CACNA1I: variants seen among roughly 807,000 people sequenced by gnomAD.
CACNA1I encodes voltage-dependent T-type calcium channel subunit alpha-1I.
In CACNA1I, 74 loss-of-function variants were observed where a neutral mutation model predicts 201.6. The ratio of observed to expected loss-of-function variants is 0.37; its 90% CI spans 0.30 to 0.45. The LOEUF is 0.45. Among genes scored for constraint, CACNA1I ranks in the 20% least tolerant of loss-of-function variants. The probability of loss-of-function intolerance (pLI) is 1.00; values close to 1 mark genes in which losing one functional copy is unlikely to be tolerated. For missense variants in CACNA1I, 2,346 were observed against 3,138.1 expected (o/e 0.75, Z 6.03); for synonymous variants, 1,431 against 1,345.2 (o/e 1.06, Z -1.40).
chr22:39,624,472 G>A (rs952385160), intron 4 of CACNA1I, among the ~76,000 whole-genome samples: 5 of 152,222 alleles, frequency 3.3e-5, no homozygotes, highest in Admixed American at 2.0e-4. Flanking sequence ...GCAGTTGGGG[G>A]AGTGTCGGCT....
intron 24 of CACNA1I, among the ~76,000 whole-genome samples, chr22:39,669,010 G>A (rs925392194): frequency 6.6e-6 from 1 of 152,140 alleles, no homozygotes; most frequent in African/African-American, 2.4e-5. Context: ...AGTCAGGGAG[G>A]AGACTCAGCC....
chr22:39,593,998 G>C (rs1350224174), intron 1 of CACNA1I, among the ~76,000 whole-genome samples: 1 of 152,212 alleles, frequency 6.6e-6, no homozygotes, highest in African/African-American at 2.4e-5. Context: ...TGCTGGGTCA[G>C]GGTCCTGGGG....
At chr22:39,599,160 G>A (rs1290463620) in intron 2 of CACNA1I, among the ~76,000 whole-genome samples, 2 of 147,892 alleles carry the variant, frequency 1.4e-5, no homozygotes, top group East Asian at 2.1e-4. Context: ...ATGTTAGCCA[G>A]GATGGTCTCA....
At chr22:39,652,323 G>T (rs1177562192) in intron 10 of CACNA1I, among the ~76,000 whole-genome samples, 1 of 152,154 alleles carries the variant, frequency 6.6e-6, no homozygotes, top group African/African-American at 2.4e-5. Flanking sequence ...GGAGCAGCAG[G>T]CTTCACGTGG....
At chr22:39,671,515 G>A (rs1754079973) in intron 26 of CACNA1I, among the ~76,000 whole-genome samples, 1 of 152,296 alleles carries the variant, frequency 6.6e-6, no homozygotes, top group African/African-American at 2.4e-5. Context: ...GCAAACACTG[G>A]GGGTGGGTGA....
intron 1 of CACNA1I, among the ~76,000 whole-genome samples, chr22:39,597,040 C>T (rs1247579384): frequency 1.3e-5 from 2 of 152,206 alleles, no homozygotes; most frequent in South Asian, 2.1e-4. Flanking sequence ...TAAGTTCAGT[C>T]AGGCTGCATG....
intron 4 of CACNA1I, among the ~76,000 whole-genome samples, chr22:39,623,078 G>C (rs368638487): frequency 6.6e-6 from 1 of 152,230 alleles, no homozygotes. Flanking sequence ...TGATGGGACC[G>C]CTGAGGCTGC....
intron 1 of CACNA1I, among the ~76,000 whole-genome samples, chr22:39,594,543 C>T (rs369258082): frequency 3.3e-5 from 5 of 151,378 alleles, no homozygotes; most frequent in African/African-American, 7.3e-5. Flanking sequence ...GGTGAGGGGA[C>T]GGGAAGGAGC....
chr22:39,583,105 CAACTGTCCATCCATGCATGCATCCATCT>C, intron 1 of CACNA1I, among the ~76,000 whole-genome samples: 1 of 150,294 alleles, frequency 6.7e-6, no homozygotes, highest in East Asian at 2.0e-4. Context: ...TTCATCCATC[CAACTGTCCATCCATGCATGCATCCATCT>C]CTCCATCCAT....
chr22:39,648,013 T>C lies in CACNA1I; in HGVS notation c.1567+87T>C. 8.3e-7 allele frequency: 1 copy of C among 1,202,528 alleles called. No individual in the cohort carries two copies. The highest frequency in any genetic ancestry group is 1.2e-6 in the Non-Finnish European group (1 of 826,908). 74.5% of individuals were successfully genotyped at this position (1,202,528 alleles called of 1,614,324 possible). ...GTGCTGAGAAGGAAGTCGGCAGGCA[T>C]GGGGACGGCGCTTGAGCAGCCGCGA... On this transcript the variant is annotated intron_variant, in intron 9 of 36. Transcript: ENST00000402142. The surrounding 1 kb of genome is among the most constrained non-coding windows in gnomAD (Gnocchi z 5.4).
At chr22:39,660,168 C>G (rs1449593325) in intron 14 of CACNA1I, among the ~76,000 whole-genome samples, 176 bp from the exon 15 acceptor site, 1 of 152,176 alleles carries the variant, frequency 6.6e-6, no homozygotes, top group Non-Finnish European at 1.5e-5. Context: ...TACTTGCAGT[C>G]AGGCAGATGT....
chr22:39,623,748 A>T (rs1933819026), intron 4 of CACNA1I, among the ~76,000 whole-genome samples: 2 of 143,218 alleles, frequency 1.4e-5, no homozygotes. Context: ...GCCTGTGAAC[A>T]TGCGTGTGTC....
rs1277722931 is a variant in CACNA1I, at chr22:39,662,139, C to T, written c.3076C>T (p.Pro1026Ser). Reference protein sequence around the residue: ...RVCEVAADEGPPRAAPLHTPH... With the variant: ...RVCEVAADEGSPRAAPLHTPH... Reference sequence around the variant, plus strand: ...CTGCGAGGTTGCCGCGGACGAGGGGCCGCCGCGGGCCGCACCCCTGCACAC... The same window carrying T: ...CTGCGAGGTTGCCGCGGACGAGGGGTCGCCGCGGGCCGCACCCCTGCACAC... Residue 1026 changes from proline (P) to serine (S), a missense_variant, in exon 17 of 37, where the codon CCG becomes TCG. Pro to Ser is a moderately conservative substitution (Grantham distance 74). Coordinates refer to ENST00000402142, the MANE Select transcript of CACNA1I (RefSeq NM_021096.4). 6.6e-7 allele frequency: 1 copy of T among 1,525,376 alleles called. No homozygotes were observed. The highest frequency in any genetic ancestry group is 1.2e-5 in the South Asian group (1 of 82,146). The allele number at this position is 1,525,376 out of a possible 1,614,324, so 94.5% of individuals were successfully genotyped here.
At chr22:39,672,615 A>G (rs1415666399) in intron 27 of CACNA1I, among the ~76,000 whole-genome samples, 2 of 152,180 alleles carry the variant, frequency 1.3e-5, no homozygotes, top group South Asian at 4.2e-4. Flanking sequence ...GTGAGGCTCA[A>G]AGAAGTTGAT....
chr22:39,674,894 G>A (rs571048054), intron 29 of CACNA1I, among the ~76,000 whole-genome samples: 7 of 152,240 alleles, frequency 4.6e-5, no homozygotes, highest in Non-Finnish European at 8.8e-5. Context: ...CCGGGGCTAA[G>A]GACATGGGTG....
At position 39,659,517 on chromosome 22, in the gene CACNA1I, C is replaced by T. The variant is rs777569965; in HGVS notation, c.2415C>T (p.Asp805=). ...CGGTGCCCGACAGGAAGAACTTCGA[C>T]TCCCTGCTGTGGGCCATCGTCACTG... ...GDTVPDRKNF[D]SLLWAIVTVF... The change falls in exon 13 of 37, where the codon GAC becomes GAT. Residue 805 remains aspartate, a synonymous_variant. Transcript: ENST00000402142. This position sits in a 1 kb window ranked among gnomAD's most constrained non-coding sequence, Gnocchi z 4.3. The T allele has an allele frequency of 3.7e-6, 6 of 1,600,378 alleles. No individual in the cohort carries two copies. Among genetic ancestry groups the T allele is most frequent in the Middle Eastern group, 1.7e-4 (1 of 6,046 alleles).
In CACNA1I at chr22:39,647,815, T is replaced by C. The variant is rs1934534070; in HGVS notation, c.1463-7T>C. 2 of 1,577,976 alleles carry C rather than the reference T, an allele frequency of 1.3e-6. No homozygotes were observed. The highest frequency in any genetic ancestry group is 4.5e-5 in the East Asian group (2 of 44,662). On this transcript the variant is annotated splice_polypyrimidine_tract_variant and splice_region_variant and intron_variant, in intron 8 of 36. Transcript: ENST00000402142. ...GAGAAGATAGTAATATTATCTCCAC[T>C]TTTCAGATGGGAAGACTAAGGGTCA...
chr22:39,644,003 A>G (rs1470826944), intron 7 of CACNA1I, among the ~76,000 whole-genome samples: 1 of 152,140 alleles, frequency 6.6e-6, no homozygotes, highest in East Asian at 1.9e-4. Context: ...GCCATGATAG[A>G]AGGGAGCCCA....
Position 39,570,991 on chromosome 22 carries a change from ATCC to A in CACNA1I, c.236+7_236+9del, listed in dbSNP as rs779176215. On this transcript the variant is annotated splice_donor_5th_base_variant and intron_variant, in intron 1 of 36. Coordinates refer to ENST00000402142, the MANE Select transcript of CACNA1I (RefSeq NM_021096.4). ...TGCATCAAGATGGTGTGCAACCCAT[ATCC>A]TCCGCAGCCTCGGCTGATCGGGGCC... 6.2e-7 allele frequency: 1 copy of A among 1,612,062 alleles called. No homozygotes were observed. Among genetic ancestry groups the A allele is most frequent in the Non-Finnish European group, 8.5e-7 (1 of 1,178,378 alleles).
Sources: allele counts gnomAD v4.1 joint callset (sites outside exome capture counted in the v4.1 genomes callset), GRCh38; gene constraint gnomAD v4.1.1; non-coding constraint Gnocchi (gnomAD v3.1); transcripts MANE v1.5; gene names NCBI Gene and HGNC (gene_info 2026-07-23, HGNC 2026-07-21).